The following PCDHA11 variants were observed in gnomAD, a reference collection of about 807,000 sequenced individuals.
The protein encoded by PCDHA11 is protocadherin alpha-11.
Under a neutral mutation model 70.3 loss-of-function variants are expected in PCDHA11, and 61 were observed. The ratio of observed to expected loss-of-function variants is 0.87; its 90% CI spans 0.71 to 1.07. The LOEUF is 1.07. Ranked by LOEUF, PCDHA11 falls within the 50% of genes least tolerant of loss-of-function variation. The pLI is 0.00. For missense variants in PCDHA11, 1,324 were observed against 1,237.5 expected, an observed-to-expected ratio of 1.07 and a Z score of -1.05; for synonymous variants, 633 against 555.1, an observed-to-expected ratio of 1.14 and a Z score of -1.97.
chr5:140,869,170 T>C lies in PCDHA11; in HGVS notation c.67T>C (p.Phe23Leu). Reference sequence around the variant, plus strand: ...ACAGCTCTGGCTTCTCCTCCTCGAATTCTGGGAGGTGGGGAGCGGCCAGCT... The same window carrying C: ...ACAGCTCTGGCTTCTCCTCCTCGAACTCTGGGAGGTGGGGAGCGGCCAGCT... ...RLQLWLLLLE[F>L]WEVGSGQLHY... Residue 23 changes from phenylalanine (F) to leucine (L), a missense_variant, in exon 1 of 4, where the codon TTC becomes CTC. Coordinates refer to ENST00000398640, the MANE Select transcript of PCDHA11 (RefSeq NM_018902.5). 1.9e-6 allele frequency: 3 copies of C among 1,613,920 alleles called. No individual in the cohort carries two copies. The highest frequency in any genetic ancestry group is 2.5e-6 in the Non-Finnish European group (3 of 1,179,862).
intron 1 of PCDHA11, chr5:140,876,344 G>T (rs1554168492): frequency 6.2e-7 from 1 of 1,614,040 alleles, no homozygotes; most frequent in Admixed American, 1.7e-5. Flanking sequence ...AGTGAGAAAT[G>T]TATGTTTTCA....
chr5:140,968,927 T>C (rs1554231254), intron 1 of PCDHA11: 3 of 1,614,090 alleles, frequency 1.9e-6, no homozygotes, highest in African/African-American at 1.3e-5. Flanking sequence ...TATATTTCTT[T>C]TGACAATCAT....
At chr5:140,982,683 T>C in intron 3 of PCDHA11, 120 bp downstream of exon 3, 2 of 1,424,800 alleles carry the variant, frequency 1.4e-6, no homozygotes, top group Non-Finnish European at 1.8e-6. Context: ...TATTCCCTTT[T>C]TTCCATACAT....
chr5:140,975,848 T>C (rs1345383470), intron 1 of PCDHA11, among the ~76,000 whole-genome samples: 1 of 152,234 alleles, frequency 6.6e-6, no homozygotes, highest in Non-Finnish European at 1.5e-5. Flanking sequence ...TCAGTAATAC[T>C]ACATCACCCA....
chr5:140,939,311 C>A (rs972598257), intron 1 of PCDHA11, among the ~76,000 whole-genome samples: 1 of 152,130 alleles, frequency 6.6e-6, no homozygotes, highest in African/African-American at 2.4e-5. Flanking sequence ...AAAGCCCTAC[C>A]TCCTAATATC....
At chr5:140,871,911 A>G (rs2053380850) in intron 1 of PCDHA11, among the ~76,000 whole-genome samples, 1 of 152,196 alleles carries the variant, frequency 6.6e-6, no homozygotes, top group Non-Finnish European at 1.5e-5. Flanking sequence ...TTTTGCCTTG[A>G]TATTTCCACA....
At chr5:140,889,347 T>A (rs531486529) in intron 1 of PCDHA11, among the ~76,000 whole-genome samples, 1 of 152,202 alleles carries the variant, frequency 6.6e-6, no homozygotes, top group South Asian at 2.1e-4. Context: ...GTGGGAATAT[T>A]TCTGATTACT....
intron 1 of PCDHA11, among the ~76,000 whole-genome samples, chr5:140,879,010 G>C (rs2057809352): frequency 6.6e-6 from 1 of 152,200 alleles, no homozygotes; most frequent in Non-Finnish European, 1.5e-5. Context: ...CTAGAAATCA[G>C]ATAATGTTTT....
intron 2 of PCDHA11, chr5:140,982,223 TA>T: frequency 5.2e-6 from 3 of 580,212 alleles, no homozygotes; most frequent in East Asian, 4.0e-5. Context: ...ATGGCGTTAA[TA>T]AAAAACAGAA....
intron 1 of PCDHA11, among the ~76,000 whole-genome samples, chr5:140,905,958 G>C (rs1554192269): frequency 6.6e-6 from 1 of 152,184 alleles, no homozygotes; most frequent in African/African-American, 2.4e-5. Context: ...GATGTTCAAG[G>C]GGAGGAAGAT....
intron 3 of PCDHA11, among the ~76,000 whole-genome samples, chr5:140,989,700 C>T (rs1367211310): frequency 6.6e-6 from 1 of 152,178 alleles, no homozygotes; most frequent in East Asian, 1.9e-4. Flanking sequence ...AAAATTTTAT[C>T]TTCAGAGGCA....
chr5:140,875,039 A>C (rs1443862423), intron 1 of PCDHA11, among the ~76,000 whole-genome samples: 1 of 152,230 alleles, frequency 6.6e-6, no homozygotes, highest in East Asian at 1.9e-4. Flanking sequence ...TATTTGAAAG[A>C]TTTCTACTTT....
At chr5:140,965,033 T>C (rs1563339344) in intron 1 of PCDHA11, among the ~76,000 whole-genome samples, 2 of 152,192 alleles carry the variant, frequency 1.3e-5, no homozygotes, top group African/African-American at 4.8e-5. Flanking sequence ...CCTTTAACTG[T>C]CCGCTCTAGG....
chr5:140,950,855 T>C (rs2094525829), intron 1 of PCDHA11, among the ~76,000 whole-genome samples: 2 of 152,102 alleles, frequency 1.3e-5, no homozygotes, highest in African/African-American at 4.8e-5. Context: ...TTCTTTCATA[T>C]TCTTGTATAT....
chr5:140,891,569 CAT>C (rs59481749), intron 1 of PCDHA11, among the ~76,000 whole-genome samples: 3,590 of 152,218 alleles, frequency 0.024, 138 homozygotes, highest in African/African-American at 0.082. Flanking sequence ...TCTAATTAAA[CAT>C]ATTTTAATCT....
intron 2 of PCDHA11, among the ~76,000 whole-genome samples, chr5:140,979,795 A>G (rs781835728): frequency 6.6e-6 from 1 of 152,264 alleles, no homozygotes. Flanking sequence ...GAAACAAATG[A>G]TCACAACTAT....
chr5:140,941,185 C>CTTTTT (rs782102770), intron 1 of PCDHA11, among the ~76,000 whole-genome samples: 1 of 102,242 alleles, frequency 9.8e-6, no homozygotes, highest in African/African-American at 3.6e-5. Context: ...CATCCTGCTT[C>CTTTTT]TTTTTTTTTC....
intron 1 of PCDHA11, chr5:140,876,574 G>A (rs1554168680): frequency 1.9e-6 from 3 of 1,614,158 alleles, no homozygotes; most frequent in Non-Finnish European, 2.5e-6. Flanking sequence ...GGTGGGTACC[G>A]TCATTGCCCT....
Position 140,871,219 on chromosome 5 carries a change from G to A in PCDHA11, c.2116G>A (p.Val706Met). The A allele has an allele frequency of 6.2e-7, 1 of 1,613,872 alleles. No individual in the cohort carries two copies. Among genetic ancestry groups the A allele is most frequent in the African/African-American group, 1.3e-5 (1 of 75,070 alleles). ...NVYLIIAICV[V>M]SSLLVLTLLL... ...GTACCTGATCATCGCCATCTGCGTGGTGTCCAGCCTCCTGGTACTCACGCT... is the reference window on the plus strand; with the variant it reads ...GTACCTGATCATCGCCATCTGCGTGATGTCCAGCCTCCTGGTACTCACGCT... Residue 706 changes from valine to methionine, a missense_variant, in exon 1 of 4, where the codon GTG (valine) becomes ATG (methionine). Transcript: ENST00000398640.
Sources: allele counts gnomAD v4.1 joint callset (sites outside exome capture counted in the v4.1 genomes callset), GRCh38; gene constraint gnomAD v4.1.1; transcripts MANE v1.5; gene names NCBI Gene and HGNC (gene_info 2026-07-23, HGNC 2026-07-21).